The following ATXN10 variants were observed in gnomAD, a reference collection of about 807,000 sequenced individuals.
ATXN10 encodes ataxin 10.
ATXN10 carries 28 observed loss-of-function variants against 52.9 expected under a neutral mutation model. The observed-to-expected ratio is 0.53, with a 90% CI of 0.39 to 0.73. The LOEUF is 0.73. ATXN10 is among the 30% of genes least tolerant of loss of function. The probability of loss-of-function intolerance (pLI) is 0.00; values close to 1 mark genes in which losing one functional copy is unlikely to be tolerated. For missense variants in ATXN10, 565 were observed against 577.0 expected (o/e 0.98, Z 0.21); for synonymous variants, 226 against 221.5 (o/e 1.02, Z -0.18).
chr22:45,764,060 C>T (rs1926495427), intron 9 of ATXN10, among the ~76,000 whole-genome samples: 1 of 152,248 alleles, frequency 6.6e-6, no homozygotes, highest in South Asian at 2.1e-4. Flanking sequence ...CCTGATCCTG[C>T]AGCGTGTGCT....
intron 1 of ATXN10, chr22:45,676,613 G>A (rs541634520): frequency 1.4e-4 from 21 of 151,862 alleles, no homozygotes; most frequent in African/African-American, 4.6e-4. Context: ...CCGAGTAGTT[G>A]GAATTACAGG....
rs561486711 is a variant in ATXN10, at chr22:45,818,551, G to A, written c.1237+11529G>A. Among the ~76,000 whole-genome samples, 5 of 152,130 alleles carry A rather than the reference G, an allele frequency of 3.3e-5. No individual in the cohort carries two copies. The highest frequency in any genetic ancestry group is 1.9e-4 in the East Asian group (1 of 5,188). On this transcript the variant is annotated intron_variant, in intron 10 of 11. Coordinates refer to ENST00000252934, the MANE Select transcript of ATXN10 (RefSeq NM_013236.4). The surrounding 1 kb of genome is among the most constrained non-coding windows in gnomAD (Gnocchi z 4.6). ...GGTTCTCAGTGTGAGCCATGTGGGC[G>A]GTCCTTTTTGGTTTGAAGGTGACCA...
intron 9 of ATXN10, among the ~76,000 whole-genome samples, chr22:45,764,800 A>G (rs908897916): frequency 6.6e-6 from 1 of 152,188 alleles, no homozygotes; most frequent in Non-Finnish European, 1.5e-5. Context: ...TCTGCTCCAC[A>G]CACATTCTGT....
rs1049563943 is a variant in ATXN10 at position 45,790,264 on chromosome 22, T to C, written c.1174-16695T>C. On this transcript the variant is annotated intron_variant, in intron 9 of 11. Transcript: ENST00000252934. This position sits in a 1 kb window ranked among gnomAD's most constrained non-coding sequence, Gnocchi z 4.7. Reference sequence around the variant, plus strand: ...TGTAACAGCTGCAGTCTGGACTGTCTCTTGCCGGAATGTGTGTGGTTCTTT... The same window carrying C: ...TGTAACAGCTGCAGTCTGGACTGTCCCTTGCCGGAATGTGTGTGGTTCTTT... Among the ~76,000 whole-genome samples the C allele has an allele frequency of 3.3e-5, 5 of 152,180 alleles. No homozygotes were observed. Among genetic ancestry groups the C allele is most frequent in the Non-Finnish European group, 5.9e-5 (4 of 68,038 alleles).
Position 45,795,354 on chromosome 22 carries a change from G to GATTCTATTCT in ATXN10, c.1174-11544_1174-11535dup, listed in dbSNP as rs60726084. Among the ~76,000 whole-genome samples the GATTCTATTCT allele has an allele frequency of 0.033, 4,188 of 126,602 alleles. 156 individuals are homozygous for GATTCTATTCT. Among genetic ancestry groups the GATTCTATTCT allele is most frequent in the East Asian group, 0.11 (423 of 4,026 alleles). The allele number at this position is 126,602 out of a possible 152,430, so 83.1% of individuals were successfully genotyped here. A position where few individuals can be genotyped will look rare whatever the true frequency, so the allele number is the denominator to read the frequency against. On this transcript the variant is annotated intron_variant, in intron 9 of 11. Transcript: ENST00000252934. This position sits in a 1 kb window ranked among gnomAD's most constrained non-coding sequence, Gnocchi z 4.6. ...ATCCAACTAAAAGACTACTAGAATG[G>GATTCTATTCT]ATTCTATTCTATTCTATTCTATTCT...
chr22:45,681,213 A>G lies in ATXN10; in HGVS notation c.117-8499A>G, dbSNP rs764974210. ...CTTCGTTATTTCATTGTTTATATAG[A>G]TTTTCCTTTCATTATCCTGACCTCG... On this transcript the variant is annotated intron_variant, in intron 1 of 11. Coordinates refer to ENST00000252934, the MANE Select transcript of ATXN10 (RefSeq NM_013236.4). This position sits in a 1 kb window ranked among gnomAD's most constrained non-coding sequence, Gnocchi z 4.2. Among the ~76,000 whole-genome samples the G allele has an allele frequency of 1.3e-5, 2 of 151,950 alleles. No individual in the cohort carries two copies. Among genetic ancestry groups the G allele is most frequent in the Admixed American group, 1.3e-4 (2 of 15,262 alleles).
At chr22:45,707,406 G>C (rs1161703380) in intron 5 of ATXN10, among the ~76,000 whole-genome samples, 1 of 151,908 alleles carries the variant, frequency 6.6e-6, no homozygotes. Context: ...ACAGAAGTTG[G>C]TACATACAAT....
intron 9 of ATXN10, among the ~76,000 whole-genome samples, chr22:45,749,332 A>T (rs774330408): frequency 1.3e-5 from 2 of 152,144 alleles, no homozygotes; most frequent in African/African-American, 4.8e-5. Flanking sequence ...TAGCAGGCCA[A>T]ATTCTGACTC....
chr22:45,830,846 G>C (rs1928968469), intron 10 of ATXN10, among the ~76,000 whole-genome samples: 1 of 152,172 alleles, frequency 6.6e-6, no homozygotes, highest in Non-Finnish European at 1.5e-5. Context: ...ATATGATTTA[G>C]CAATTCCACT....
chr22:45,725,890 T>C (rs1246394646), intron 6 of ATXN10, among the ~76,000 whole-genome samples: 1 of 152,166 alleles, frequency 6.6e-6, no homozygotes, highest in Non-Finnish European at 1.5e-5. Flanking sequence ...TGTTGAACGT[T>C]TTTTCTGCGT....
In ATXN10 at chr22:45,700,296, C is replaced by G. The variant is rs142611714; in HGVS notation, c.406C>G (p.Leu136Val). The G allele has an allele frequency of 6.2e-7, 1 of 1,612,798 alleles. No homozygotes were observed. Among genetic ancestry groups the G allele is most frequent in the Non-Finnish European group, 8.5e-7 (1 of 1,179,160 alleles). ...ESLLTAFRCG[L>V]QFLGNIASRN... is the part of the protein sequence containing the mutation. The stretch of plus-strand genomic sequence containing the variant: ...TATATTCTTAGCTTTTCGCTGTGGC[C>G]TGCAGTTTTTAGGCAACATTGCCTC... Residue 136 changes from leucine to valine, a missense_variant, in exon 4 of 12, where the codon CTG (leucine) becomes GTG (valine). Physicochemically the swap from Leu to Val is conservative, Grantham distance 32. Transcript: ENST00000252934.
chr22:45,830,729 G>A (rs1482391027), intron 10 of ATXN10, among the ~76,000 whole-genome samples: 1 of 151,814 alleles, frequency 6.6e-6, no homozygotes, highest in East Asian at 1.9e-4. Flanking sequence ...CATGAATGTG[G>A]AGAAATCAGA....
rs1189219746 is a variant in ATXN10, at chr22:45,762,156, C to A, written c.1173+21618C>A. 6.6e-6 allele frequency among the ~76,000 whole-genome samples: 1 copy of A among 152,182 alleles called. No homozygotes were observed. The highest frequency in any genetic ancestry group is 1.5e-5 in the Non-Finnish European group (1 of 68,030). ...AGAAAAAGTGAAAAGCTTGACATTA[C>A]AGGTAGAAAGGAAGTCAGTCTCTGT... On this transcript the variant is annotated intron_variant, in intron 9 of 11. Transcript: ENST00000252934. This position sits in a 1 kb window ranked among gnomAD's most constrained non-coding sequence, Gnocchi z 4.3.
Position 45,844,920 on chromosome 22 carries a change from G to A in ATXN10, c.*1249G>A, listed in dbSNP as rs1929462099. On this transcript the variant is annotated 3_prime_UTR_variant, in exon 12 of 12. Coordinates refer to ENST00000252934, the MANE Select transcript of ATXN10 (RefSeq NM_013236.4). The stretch of plus-strand genomic sequence containing the variant: ...ATAGCTTAAGCATGTTGAGAATGAA[G>A]TAAAAGTTTTCCCATGTGCTGTCTA... 1 of 152,228 alleles carries A rather than the reference G, an allele frequency of 6.6e-6. No homozygotes were observed. Among genetic ancestry groups the A allele is most frequent in the South Asian group, 2.1e-4 (1 of 4,834 alleles). The allele number at this position is 152,228 out of a possible 1,614,324, so 9.4% of individuals were successfully genotyped here. A position where few individuals can be genotyped will look rare whatever the true frequency, so the allele number is the denominator to read the frequency against.
chr22:45,692,930 A>G, intron 2 of ATXN10, 66 bp from the exon 3 acceptor site: 7 of 1,366,916 alleles, frequency 5.1e-6, no homozygotes, highest in Non-Finnish European at 7.3e-6. Flanking sequence ...TTGTAGTGCA[A>G]AAACAGCCAT....
chr22:45,728,826 A>G lies in ATXN10; in HGVS notation c.729-599A>G, dbSNP rs1257393301. ...CTTCAGATTTGTGTTTGTGTAAACTAAAATAAATAGTAAAGTTTCACAGTA... is the reference window on the plus strand; with the variant it reads ...CTTCAGATTTGTGTTTGTGTAAACTGAAATAAATAGTAAAGTTTCACAGTA... On this transcript the variant is annotated intron_variant, in intron 6 of 11. Transcript: ENST00000252934. The surrounding 1 kb of genome is among the most constrained non-coding windows in gnomAD (Gnocchi z 4.3). Among the ~76,000 whole-genome samples, 2 of 152,230 alleles carry G rather than the reference A, an allele frequency of 1.3e-5. No homozygotes were observed. The highest frequency in any genetic ancestry group is 2.9e-5 in the Non-Finnish European group (2 of 68,024).
In ATXN10 at chr22:45,770,977, T is replaced by C. The variant is rs1308016416; in HGVS notation, c.1173+30439T>C. On this transcript the variant is annotated intron_variant, in intron 9 of 11. Coordinates refer to ENST00000252934, the MANE Select transcript of ATXN10 (RefSeq NM_013236.4). This position sits in a 1 kb window ranked among gnomAD's most constrained non-coding sequence, Gnocchi z 4.5. ...CCTGGGAGCACTCGAGGCCAGCCCT[T>C]TTGGCTCTCTGCGGCTGCCTTCTTC... Among the ~76,000 whole-genome samples, 1 of 152,176 alleles carries C rather than the reference T, an allele frequency of 6.6e-6. No homozygotes were observed. Among genetic ancestry groups the C allele is most frequent in the Non-Finnish European group, 1.5e-5 (1 of 68,038 alleles).
rs945331275 is a variant in ATXN10, at chr22:45,690,587, T to C, written c.308+684T>C. On this transcript the variant is annotated intron_variant, in intron 2 of 11. Transcript: ENST00000252934. This position sits in a 1 kb window ranked among gnomAD's most constrained non-coding sequence, Gnocchi z 4.5. ...CAGGTTGTAAATGTTTTAATTACTT[T>C]TAATGTTTTAATTTGTTACTCTTGT... 6.6e-6 allele frequency among the ~76,000 whole-genome samples: 1 copy of C among 152,268 alleles called. No homozygotes were observed. The highest frequency in any genetic ancestry group is 2.1e-4 in the South Asian group (1 of 4,836).
At chr22:45,749,509 TATC>T (rs896427823) in intron 9 of ATXN10, among the ~76,000 whole-genome samples, 1 of 152,226 alleles carries the variant, frequency 6.6e-6, no homozygotes, top group African/African-American at 2.4e-5. Flanking sequence ...CTTTTTTCAT[TATC>T]ATCTAATGTC....
Sources: gnomAD v4.1 joint callset for allele counts (sites outside exome capture counted in the v4.1 genomes callset) on GRCh38, gnomAD v4.1.1 for gene constraint, Gnocchi (gnomAD v3.1) non-coding constraint, MANE v1.5 for transcripts, NCBI Gene and HGNC (gene_info 2026-07-23, HGNC 2026-07-21) for gene names.